Variants in EPM2A observed in about 807,000 individuals in gnomAD.
EPM2A encodes the protein EPM2A glucan phosphatase, laforin.
In EPM2A, 21 loss-of-function variants were observed where a neutral mutation model predicts 26.5. The observed-to-expected ratio is 0.79, with a 90% CI of 0.56 to 1.14. EPM2A has a LOEUF of 1.14. Among genes scored for constraint, EPM2A ranks in the 50% most tolerant of loss-of-function variants. The pLI is 0.00. For missense variants in EPM2A, 458 were observed against 440.8 expected, an observed-to-expected ratio of 1.04 and a Z score of -0.35; for synonymous variants, 217 against 177.6, an observed-to-expected ratio of 1.22 and a Z score of -1.76.
intron 4 of EPM2A, among the ~76,000 whole-genome samples, chr6:145,391,917 G>C (rs1009507961): frequency 2.0e-5 from 3 of 151,718 alleles, no homozygotes; most frequent in Admixed American, 1.3e-4. Flanking sequence ...GGTCTTAGGT[G>C]GGGGGCAGGT....
At chr6:145,723,632 T>A (rs1157448573) in intron 1 of EPM2A, among the ~76,000 whole-genome samples, 2 of 152,060 alleles carry the variant, frequency 1.3e-5, no homozygotes, top group African/African-American at 4.8e-5. Context: ...AAAATAATTG[T>A]TTTTGAATGT....
Position 145,735,401 on chromosome 6 carries a change from TC to T in EPM2A, c.97del (p.Glu33SerfsTer8). ...CCTCAGGCGGACGGCACCGCGCGGCTCCCAACGCCCCAGCTCGGGCCGCGAC... is the reference window on the plus strand; with the variant it reads ...CCTCAGGCGGACGGCACCGCGCGGCTCCAACGCCCCAGCTCGGGCCGCGAC... The part of the protein sequence containing the change: ...VGSRPELGRW[E>X]PRGAVRLRPA... On this transcript the variant is annotated frameshift_variant, in exon 1 of 4. Transcript: ENST00000367519. LOFTEE classifies it high-confidence loss of function. 8.1e-7 allele frequency: 1 copy of T among 1,239,606 alleles called. No individual in the cohort carries two copies. Among genetic ancestry groups the T allele is most frequent in the Non-Finnish European group, 1.0e-6 (1 of 989,148 alleles). The allele number at this position is 1,239,606 out of a possible 1,614,324, so 76.8% of individuals were successfully genotyped here. A position where few individuals can be genotyped will look rare whatever the true frequency, so the allele number is the denominator to read the frequency against.
intron 1 of EPM2A, among the ~76,000 whole-genome samples, chr6:145,715,421 C>G (rs1244065190): frequency 6.6e-6 from 1 of 152,202 alleles, no homozygotes; most frequent in Non-Finnish European, 1.5e-5. Flanking sequence ...CATGCAGACT[C>G]TGCAGACAGG....
intron 2 of EPM2A, among the ~76,000 whole-genome samples, chr6:145,552,788 C>T (rs748435169): frequency 5.9e-5 from 9 of 151,954 alleles, no homozygotes; most frequent in Non-Finnish European, 1.2e-4. Context: ...GGGCTTTGGA[C>T]GTGGGCTCTG....
At chr6:145,418,734 T>C (rs4142213) in intron 4 of EPM2A, among the ~76,000 whole-genome samples, 35,889 of 152,126 alleles carry the variant, frequency 0.24, 4,824 homozygotes, top group Non-Finnish European at 0.3. Flanking sequence ...TGACTGAATC[T>C]GATTTTTAAG....
At chr6:145,601,300 TTTTA>T (rs1176976316) in intron 2 of EPM2A, among the ~76,000 whole-genome samples, 41 of 152,284 alleles carry the variant, frequency 2.7e-4, no homozygotes, top group Admixed American at 7.8e-4. Flanking sequence ...TTTTTCCCCT[TTTTA>T]TTTATTTGTT....
intron 1 of EPM2A, among the ~76,000 whole-genome samples, chr6:145,690,948 C>G (rs1162878510): frequency 6.7e-6 from 1 of 149,158 alleles, no homozygotes; most frequent in Admixed American, 6.7e-5. Context: ...CCAATCTAAA[C>G]AGCAAACAAC....
At chr6:145,490,331 T>C in intron 4 of EPM2A, 1 of 1,458,812 alleles carries the variant, frequency 6.9e-7, no homozygotes, top group Non-Finnish European at 9.3e-7. Flanking sequence ...GTTGCAGACA[T>C]GGCATTTATA....
chr6:145,674,970 A>G (rs1369545198), intron 2 of EPM2A, among the ~76,000 whole-genome samples: 1 of 152,204 alleles, frequency 6.6e-6, no homozygotes, highest in Non-Finnish European at 1.5e-5. Context: ...AGCAACCACA[A>G]GACACATAAT....
intron 1 of EPM2A, among the ~76,000 whole-genome samples, chr6:145,711,179 G>T (rs1484368312): frequency 1.3e-5 from 2 of 152,140 alleles, no homozygotes; most frequent in Non-Finnish European, 2.9e-5. Flanking sequence ...TCTAACAGTG[G>T]TCTTCCAAAC....
At chr6:145,462,310 G>A (rs1779336834) in intron 4 of EPM2A, among the ~76,000 whole-genome samples, 1 of 152,138 alleles carries the variant, frequency 6.6e-6, no homozygotes, top group Non-Finnish European at 1.5e-5. Flanking sequence ...CATGTTGCAG[G>A]GGAGTGGGGT....
intron 3 of EPM2A, chr6:145,633,774 G>T (rs1776440700): frequency 6.6e-6 from 1 of 152,212 alleles, no homozygotes; most frequent in Non-Finnish European, 1.5e-5. Flanking sequence ...ATAAGGGGTT[G>T]AAATTGCATG....
chr6:145,473,848 CTT>C (rs1189144603), intron 4 of EPM2A, among the ~76,000 whole-genome samples: 2 of 150,890 alleles, frequency 1.3e-5, no homozygotes, highest in African/African-American at 2.5e-5. Context: ...GAAATAAAGA[CTT>C]TCCCAGACAA....
intron 2 of EPM2A, chr6:145,671,267 T>C (rs1779618416): frequency 2.9e-6 from 3 of 1,041,484 alleles, no homozygotes; most frequent in Non-Finnish European, 3.5e-6. Context: ...ATACTGGCCA[T>C]AAAATATGTG....
At chr6:145,613,986 T>G (rs751825105) in intron 2 of EPM2A, among the ~76,000 whole-genome samples, 3 of 152,244 alleles carry the variant, frequency 2.0e-5, no homozygotes, top group Admixed American at 2.0e-4. Context: ...ACATCTCCTC[T>G]TTAGCTATGA....
chr6:145,584,688 A>T (rs2114840041), intron 2 of EPM2A, among the ~76,000 whole-genome samples: 1 of 152,242 alleles, frequency 6.6e-6, no homozygotes, highest in Middle Eastern at 3.4e-3. Context: ...CATCTGATCA[A>T]CTTAACTCTC....
At chr6:145,542,970 G>C (rs1780534890) in intron 2 of EPM2A, among the ~76,000 whole-genome samples, 1 of 152,082 alleles carries the variant, frequency 6.6e-6, no homozygotes, top group Admixed American at 6.6e-5. Context: ...TGTTGGTCAG[G>C]TGGGTCTCGA....
intron 2 of EPM2A, among the ~76,000 whole-genome samples, chr6:145,616,774 TG>T (rs1775522498): frequency 6.6e-6 from 1 of 152,240 alleles, no homozygotes; most frequent in African/African-American, 2.4e-5. Context: ...ACTGTCCCAC[TG>T]GGTATCGAAC....
chr6:145,420,261 T>C (rs1385981881), intron 4 of EPM2A, among the ~76,000 whole-genome samples: 1 of 152,146 alleles, frequency 6.6e-6, no homozygotes, highest in Non-Finnish European at 1.5e-5. Flanking sequence ...TTTGATATGA[T>C]ACTCTTTGCC....
Sources: gnomAD v4.1 joint callset for allele counts (sites outside exome capture counted in the v4.1 genomes callset) on GRCh38, gnomAD v4.1.1 for gene constraint, MANE v1.5 for transcripts, NCBI Gene and HGNC (gene_info 2026-07-23, HGNC 2026-07-21) for gene names.